KCNC4: variants seen among roughly 807,000 people sequenced by gnomAD.
KCNC4 encodes voltage-gated potassium channel KCNC4.
Under a neutral mutation model 42.8 loss-of-function variants are expected in KCNC4, and 23 were observed. That is an observed-to-expected ratio of 0.54 (90% CI 0.39 to 0.76). KCNC4 has a LOEUF of 0.76. Among genes scored for constraint, KCNC4 ranks in the 30% least tolerant of loss-of-function variants. The pLI is 0.00. For missense variants in KCNC4, 751 were observed against 898.2 expected (o/e 0.84, Z 2.10); for synonymous variants, 422 against 393.5 (o/e 1.07, Z -0.86).
intron 3 of KCNC4, chr1:110,232,305 A>G: frequency 1.2e-6 from 2 of 1,613,280 alleles, no homozygotes; most frequent in South Asian, 2.2e-5. Flanking sequence ...TTCCTGCCAC[A>G]TTGAGGAAGG....
chr1:110,253,579 G>A (rs72990543), downstream of KCNC4, among the ~76,000 whole-genome samples: 1,694 of 152,316 alleles, frequency 0.011, 35 homozygotes, highest in African/African-American at 0.038. Flanking sequence ...GGCTAGTGCT[G>A]TAGCTAAGGT....
chr1:110,283,382 C>A (rs1354603069), downstream of KCNC4, among the ~76,000 whole-genome samples: 1 of 152,176 alleles, frequency 6.6e-6, no homozygotes, highest in Non-Finnish European at 1.5e-5. Context: ...CAAGTATTCC[C>A]TTTTTGGTAC....
exon 4 of KCNC4, chr1:110,248,946 C>A (rs1246446628): frequency 6.6e-6 from 1 of 152,250 alleles, no homozygotes; most frequent in Non-Finnish European, 1.5e-5. Flanking sequence ...TTTCAGGATC[C>A]TGAACTATTT....
At chr1:110,264,605 T>C (rs1188134823) in intron 1 of KCNC4, among the ~76,000 whole-genome samples, 2 of 152,224 alleles carry the variant, frequency 1.3e-5, no homozygotes, top group Non-Finnish European at 2.9e-5. Flanking sequence ...GAACCAAACA[T>C]GACTTTAACT....
chr1:110,257,813 A>G (rs1389218336), intron 1 of KCNC4, among the ~76,000 whole-genome samples: 1 of 150,950 alleles, frequency 6.6e-6, no homozygotes, highest in Non-Finnish European at 1.5e-5. Flanking sequence ...GCTTTCTTCT[A>G]GCTTTCTGCA....
At chr1:110,281,835 AG>A (rs905846288) in intron 1 of KCNC4, among the ~76,000 whole-genome samples, 3 of 152,190 alleles carry the variant, frequency 2.0e-5, no homozygotes, top group African/African-American at 7.2e-5. Context: ...CTCAGAACCC[AG>A]CCAGCCTCAG....
At chr1:110,224,991 C>G (rs1464141535) in intron 2 of KCNC4, 2 of 152,236 alleles carry the variant, frequency 1.3e-5, no homozygotes, top group Non-Finnish European at 2.9e-5. Context: ...TGTCAGGGGC[C>G]TGGGTCTTCC....
chr1:110,231,603 G>A (rs552002594), intron 3 of KCNC4, among the ~76,000 whole-genome samples: 2 of 152,170 alleles, frequency 1.3e-5, no homozygotes, highest in Non-Finnish European at 2.9e-5. Context: ...CCTACTGGGA[G>A]CCCAGAGGCA....
chr1:110,235,872 C>G (rs1658893783), downstream of KCNC4: 3 of 152,200 alleles, frequency 2.0e-5, no homozygotes, highest in South Asian at 6.2e-4. Flanking sequence ...TGTTGTGTGA[C>G]CCTGGGCAAG....
At chr1:110,256,583 A>T (rs1292986462) in intron 1 of KCNC4, among the ~76,000 whole-genome samples, 1 of 152,232 alleles carries the variant, frequency 6.6e-6, no homozygotes, top group African/African-American at 2.4e-5. Context: ...GTTGTGATTA[A>T]TGAAGACCTG....
intron 1 of KCNC4, among the ~76,000 whole-genome samples, chr1:110,266,582 T>G (rs1026536804): frequency 2.0e-5 from 3 of 152,184 alleles, no homozygotes; most frequent in African/African-American, 4.8e-5. Context: ...ATTCTCATTT[T>G]GCTAATGAGG....
At chr1:110,267,244 G>A (rs752558179) in intron 1 of KCNC4, among the ~76,000 whole-genome samples, 3 of 152,292 alleles carry the variant, frequency 2.0e-5, no homozygotes, top group Admixed American at 6.5e-5. Flanking sequence ...CAGGATCAAC[G>A]TCTTTTCTCC....
At chr1:110,230,732 G>T (rs1658652125) in intron 3 of KCNC4, among the ~76,000 whole-genome samples, 1 of 152,218 alleles carries the variant, frequency 6.6e-6, no homozygotes, top group Non-Finnish European at 1.5e-5. Flanking sequence ...CTTCATCTGG[G>T]AGAGATAGAA....
downstream of KCNC4, among the ~76,000 whole-genome samples, chr1:110,251,083 G>C (rs1403919562): frequency 2.0e-5 from 3 of 152,196 alleles, no homozygotes; most frequent in Admixed American, 2.0e-4. Context: ...GGTGGCAGGG[G>C]AGTGCCTGCA....
intron 1 of KCNC4, among the ~76,000 whole-genome samples, chr1:110,260,819 A>T (rs1406099386): frequency 6.6e-6 from 1 of 152,190 alleles, no homozygotes; most frequent in Non-Finnish European, 1.5e-5. Context: ...AGTCCCAGCT[A>T]CTCGGGAGGC....
At chr1:110,243,235 A>G (rs1478087157) in exon 4 of KCNC4, 1 of 152,262 alleles carries the variant, frequency 6.6e-6, no homozygotes, top group Non-Finnish European at 1.5e-5. Flanking sequence ...CTCACTGTGG[A>G]CTGAGAGGAT....
intron 3 of KCNC4, among the ~76,000 whole-genome samples, chr1:110,226,966 G>A (rs180825670): frequency 3.9e-5 from 6 of 152,170 alleles, no homozygotes; most frequent in South Asian, 2.1e-4. Flanking sequence ...TGGAGGGCCC[G>A]CGGTGGCTGA....
At chr1:110,254,034 A>G (rs1332772405), downstream of KCNC4, among the ~76,000 whole-genome samples, 2 of 149,932 alleles carry the variant, frequency 1.3e-5, no homozygotes, top group East Asian at 2.0e-4. Flanking sequence ...AGGGGAAGGA[A>G]AACCCTCAGA....
chr1:110,278,460 G>C (rs1207668670), intron 1 of KCNC4, among the ~76,000 whole-genome samples: 1 of 152,138 alleles, frequency 6.6e-6, no homozygotes, highest in Admixed American at 6.5e-5. Flanking sequence ...CCAATGCACA[G>C]GCTCTGTGTG....
Sources: allele counts gnomAD v4.1 joint callset (sites outside exome capture counted in the v4.1 genomes callset), GRCh38; gene constraint gnomAD v4.1.1; transcripts MANE v1.5; gene names NCBI Gene and HGNC (gene_info 2026-07-23, HGNC 2026-07-21).